The following MFHAS1 variants were observed in gnomAD, a reference collection of about 807,000 sequenced individuals.
The protein encoded by MFHAS1 is multifunctional ROCO family signaling regulator 1, also known as malignant fibrous histiocytoma-amplified sequence 1.
Under a neutral mutation model 70.4 loss-of-function variants are expected in MFHAS1, and 50 were observed. The observed-to-expected ratio is 0.71, with a 90% CI of 0.57 to 0.90. The LOEUF (loss-of-function observed/expected upper bound fraction) is 0.90. Among genes scored for constraint, MFHAS1 ranks in the 40% least tolerant of loss-of-function variants. The pLI is 0.00. For missense variants in MFHAS1, 1,795 were observed against 1,347.6 expected (o/e 1.33, Z -5.20); for synonymous variants, 952 against 620.0 (o/e 1.54, Z -7.96).
chr8:8,856,897 T>C (rs1311541782), intron 1 of MFHAS1, among the ~76,000 whole-genome samples: 2 of 144,858 alleles, frequency 1.4e-5, no homozygotes, highest in East Asian at 4.1e-4. Context: ...GCCACTAGGA[T>C]TCTCTAGATC....
intron 1 of MFHAS1, among the ~76,000 whole-genome samples, chr8:8,889,121 G>T (rs941654957): frequency 2.7e-5 from 4 of 149,936 alleles, no homozygotes; most frequent in African/African-American, 7.4e-5. Context: ...CGAAAAAAAA[G>T]TCTACTGGAA....
intron 2 of MFHAS1, among the ~76,000 whole-genome samples, chr8:8,793,619 T>C (rs1805791845): frequency 3.3e-5 from 5 of 152,236 alleles, no homozygotes; most frequent in Admixed American, 2.0e-4. Context: ...GTGAGTGATA[T>C]GTTCACCTTA....
In MFHAS1 at chr8:8,835,633, T is replaced by C. The variant is rs148177939; in HGVS notation, c.2999-38142A>G. ...AATTTTCAGCACTTATTAATATTTA[T>C]AAAGCTTTTCTCTCTCACTTCCTCA... On this transcript the variant is annotated intron_variant, in intron 1 of 2. Transcript: ENST00000276282. 1.5e-4 allele frequency among the ~76,000 whole-genome samples: 23 copies of C among 152,372 alleles called. No homozygotes were observed. In the East Asian group the frequency reaches 4.4e-3, roughly 29 times the overall value.
intron 1 of MFHAS1, among the ~76,000 whole-genome samples, chr8:8,889,196 A>T (rs1809890942): frequency 6.6e-6 from 1 of 152,178 alleles, no homozygotes; most frequent in African/African-American, 2.4e-5. Flanking sequence ...ACTGCCAGAA[A>T]GCTTCATTTG....
intron 1 of MFHAS1, among the ~76,000 whole-genome samples, chr8:8,812,352 G>A (rs1282535530): frequency 1.3e-5 from 2 of 152,094 alleles, no homozygotes; most frequent in Admixed American, 6.5e-5. Context: ...TTACTTACAC[G>A]GGCTGGTCAG....
At chr8:8,792,723 G>A (rs892072350) in intron 2 of MFHAS1, among the ~76,000 whole-genome samples, 1 of 152,140 alleles carries the variant, frequency 6.6e-6, no homozygotes, top group African/African-American at 2.4e-5. Flanking sequence ...GTGAAGGAAC[G>A]TTCTAAAATT....
intron 2 of MFHAS1, among the ~76,000 whole-genome samples, chr8:8,797,150 TAA>T (rs11355520): frequency 0.046 from 6,440 of 141,400 alleles, 274 homozygotes; most frequent in South Asian, 0.13. Flanking sequence ...TTAGCTAAAG[TAA>T]AAAAAAAAAA....
chr8:8,883,582 C>A (rs1475504822), intron 1 of MFHAS1, among the ~76,000 whole-genome samples: 1 of 151,678 alleles, frequency 6.6e-6, no homozygotes, highest in Admixed American at 6.6e-5. Context: ...GTGGTGCATG[C>A]CTGTAATCCC....
chr8:8,862,322 T>C (rs1808697121), intron 1 of MFHAS1, among the ~76,000 whole-genome samples: 2 of 151,614 alleles, frequency 1.3e-5, no homozygotes, highest in African/African-American at 4.9e-5. Flanking sequence ...TCATGTATCA[T>C]ATTTTGGAAA....
chr8:8,869,082 G>C (rs943575153), intron 1 of MFHAS1, among the ~76,000 whole-genome samples: 4 of 152,324 alleles, frequency 2.6e-5, no homozygotes, highest in African/African-American at 7.2e-5. Flanking sequence ...AAGGCAAAAA[G>C]AGGGCCGCTT....
chr8:8,800,581 G>C (rs191110894), intron 1 of MFHAS1, among the ~76,000 whole-genome samples: 3 of 152,134 alleles, frequency 2.0e-5, no homozygotes, highest in Non-Finnish European at 4.4e-5. Context: ...ACTCCAACGA[G>C]AAGTTGCTGT....
At chr8:8,872,561 G>C (rs1226485128) in intron 1 of MFHAS1, among the ~76,000 whole-genome samples, 1 of 152,080 alleles carries the variant, frequency 6.6e-6, no homozygotes, top group African/African-American at 2.4e-5. Context: ...CTGCTATTTG[G>C]GTAAGCTTTT....
At chr8:8,824,336 C>G (rs893241948) in intron 1 of MFHAS1, among the ~76,000 whole-genome samples, 1 of 152,082 alleles carries the variant, frequency 6.6e-6, no homozygotes, top group Non-Finnish European at 1.5e-5. Context: ...TCCAAGCACA[C>G]AGGGTACCCC....
chr8:8,853,888 T>C (rs1808336399), intron 1 of MFHAS1, among the ~76,000 whole-genome samples: 1 of 152,192 alleles, frequency 6.6e-6, no homozygotes. Flanking sequence ...GTTATCCAAC[T>C]GTTGTAGGTT....
chr8:8,823,642 C>G (rs965818518), intron 1 of MFHAS1, among the ~76,000 whole-genome samples: 1 of 151,304 alleles, frequency 6.6e-6, no homozygotes, highest in Non-Finnish European at 1.5e-5. Context: ...ATAGGGCACA[C>G]AAACATGTCC....
At chr8:8,814,376 G>C (rs1290949572) in intron 1 of MFHAS1, among the ~76,000 whole-genome samples, 1 of 152,214 alleles carries the variant, frequency 6.6e-6, no homozygotes, top group African/African-American at 2.4e-5. Context: ...AAGAGCAATA[G>C]GCTAGACCCT....
intron 1 of MFHAS1, among the ~76,000 whole-genome samples, chr8:8,820,294 A>G (rs1404238916): frequency 6.6e-6 from 1 of 151,682 alleles, no homozygotes; most frequent in East Asian, 1.9e-4. Context: ...CCCCTTCTCA[A>G]GTCCCCAGGA....
chr8:8,804,197 C>CA (rs1472808478), intron 1 of MFHAS1, among the ~76,000 whole-genome samples: 2 of 152,116 alleles, frequency 1.3e-5, no homozygotes, highest in African/African-American at 4.8e-5. Flanking sequence ...ACGACAGCTA[C>CA]AAAAACTTAC....
chr8:8,809,920 C>T (rs529260926), intron 1 of MFHAS1, among the ~76,000 whole-genome samples: 7 of 152,310 alleles, frequency 4.6e-5, no homozygotes, highest in South Asian at 2.1e-4. Context: ...AGCATTCAGA[C>T]GACAACGTTC....
Sources: gnomAD v4.1 joint callset for allele counts (sites outside exome capture counted in the v4.1 genomes callset) on GRCh38, gnomAD v4.1.1 for gene constraint, MANE v1.5 for transcripts, NCBI Gene and HGNC (gene_info 2026-07-23, HGNC 2026-07-21) for gene names.